CNGB1: variants seen among roughly 807,000 people sequenced by gnomAD.
The protein encoded by CNGB1 is cyclic nucleotide gated channel subunit beta 1.
CNGB1 carries 126 observed loss-of-function variants against 151.7 expected under a neutral mutation model. That is an observed-to-expected ratio of 0.83 (90% CI 0.72 to 0.96). The LOEUF is 0.96. Ranked by LOEUF, CNGB1 falls within the 40% of genes least tolerant of loss-of-function variation. CNGB1 has a pLI of 0.00. For missense variants in CNGB1, 1,698 were observed against 1,627.0 expected, an observed-to-expected ratio of 1.04 and a Z score of -0.75; for synonymous variants, 623 against 635.1, an observed-to-expected ratio of 0.98 and a Z score of 0.29.
chr16:57,901,435 C>A lies in CNGB1; in HGVS notation c.2893G>T (p.Gly965Cys), dbSNP rs559591083. 9 of 1,614,200 alleles carry A rather than the reference C, an allele frequency of 5.6e-6. No homozygotes were observed. In the East Asian group the frequency reaches 2.0e-4, roughly 36 times the overall value. The change falls in exon 29 of 33, where the codon GGC becomes TGC. Residue 965 changes from glycine (G) to cysteine (C), a missense_variant and splice_region_variant. Gly to Cys is a radical substitution (Grantham distance 159). Transcript: ENST00000251102. ...NIVSKVALFQGCDRQMIFDML... is the reference protein window; with the variant it reads ...NIVSKVALFQCCDRQMIFDML... ...TCAAAGATCATCTGCCGGTCACAGC[C>A]CTGTCCCGGTGAGGAAGGGAAAGGA...
chr16:57,920,404 T>C lies in CNGB1; in HGVS notation c.1784A>G (p.Glu595Gly). 1 of 1,614,180 alleles carries C rather than the reference T, an allele frequency of 6.2e-7. No individual in the cohort carries two copies. Among genetic ancestry groups the C allele is most frequent in the Non-Finnish European group, 8.5e-7 (1 of 1,180,026 alleles). The stretch of plus-strand genomic sequence containing the variant: ...AGACTCACAGGGCTTGGGGCTCTCC[T>C]CATCAGAGGTGACGTCAGGGTCAAT... ...KLIDPDVTSD[E>G]ESPKPSPAKK... Residue 595 changes from glutamate (E) to glycine (G), a missense_variant, in exon 19 of 33, where the codon GAG (glutamate) becomes GGG (glycine). By Grantham distance (98) the Glu-to-Gly change is moderately conservative (BLOSUM62 -2). Transcript: ENST00000251102.
intron 12 of CNGB1, chr16:57,955,420 A>C: frequency 4.9e-6 from 7 of 1,434,648 alleles, no homozygotes; most frequent in Non-Finnish European, 6.7e-6. Flanking sequence ...GGCGGAGGGA[A>C]TGAGTGAGTG....
chr16:57,933,724 C>CTTTTT (rs5817126), intron 16 of CNGB1, among the ~76,000 whole-genome samples: 22 of 119,584 alleles, frequency 1.8e-4, no homozygotes, highest in African/African-American at 2.9e-4. Context: ...CTTTTCTTTT[C>CTTTTT]TTTTTTTTTT....
At chr16:57,948,147 A>G (rs908611764) in intron 14 of CNGB1, among the ~76,000 whole-genome samples, 1 of 152,140 alleles carries the variant, frequency 6.6e-6, no homozygotes, top group Admixed American at 6.5e-5. Flanking sequence ...CTGGCCCACC[A>G]TAACAGTCTC....
At chr16:57,965,148 A>G (rs1220705569) in intron 2 of CNGB1, among the ~76,000 whole-genome samples, 1 of 152,268 alleles carries the variant, frequency 6.6e-6, no homozygotes, top group Non-Finnish European at 1.5e-5. Context: ...ACATACATAC[A>G]TGAACAGACA....
chr16:57,939,450 G>A lies in CNGB1; in HGVS notation c.1352C>T (p.Ala451Val). Residue 451 changes from alanine (A) to valine (V), a missense_variant, in exon 16 of 33, where the codon GCC (alanine) becomes GTC (valine). Ala to Val is a moderately conservative substitution (Grantham distance 64, BLOSUM62 0). Coordinates refer to ENST00000251102, the MANE Select transcript of CNGB1 (RefSeq NM_001297.5). ...AETKEEPEAE[A>V]EAASSGVPAT... ...CCTACCTCCTGAACTGGCAGCCTCG[G>A]CCTCAGCCTCAGGCTCCTCCTTGGT... is the stretch of plus-strand genomic sequence containing the variant. 6.2e-7 allele frequency: 1 copy of A among 1,614,126 alleles called. No homozygotes were observed. The highest frequency in any genetic ancestry group is 8.5e-7 in the Non-Finnish European group (1 of 1,180,026).
rs1960769628 is a variant in CNGB1, at chr16:57,912,920, G to A, written c.2369+10C>T. 6.2e-7 allele frequency: 1 copy of A among 1,613,710 alleles called. No homozygotes were observed. Among genetic ancestry groups the A allele is most frequent in the Non-Finnish European group, 8.5e-7 (1 of 1,179,692 alleles). On this transcript the variant is annotated intron_variant, in intron 24 of 32. Transcript: ENST00000251102. ...TGTGTGCATGCATGCACATGCAGGG[G>A]GAGTCTCACCTGTACACGTAGGCTT...
intron 16 of CNGB1, among the ~76,000 whole-genome samples, chr16:57,932,527 C>T (rs1213164277): frequency 6.6e-6 from 1 of 151,784 alleles, no homozygotes; most frequent in Non-Finnish European, 1.5e-5. Flanking sequence ...CTCAGCCTCC[C>T]GAGTAGCTGG....
intron 14 of CNGB1, among the ~76,000 whole-genome samples, chr16:57,940,541 T>C (rs1961643078): frequency 6.6e-6 from 1 of 152,010 alleles, no homozygotes; most frequent in East Asian, 1.9e-4. Flanking sequence ...ATGCCACAAC[T>C]CTGCTAGGAA....
At chr16:57,904,526 T>C (rs1289875847) in intron 26 of CNGB1, among the ~76,000 whole-genome samples, 2 of 152,284 alleles carry the variant, frequency 1.3e-5, no homozygotes, top group East Asian at 3.9e-4. Flanking sequence ...TTTCAAATGA[T>C]AATGACCTCA....
Position 57,888,043 on chromosome 16 carries a change from C to T in CNGB1, c.3274G>A (p.Glu1092Lys). The T allele has an allele frequency of 6.2e-7, 1 of 1,614,130 alleles. No homozygotes were observed. Among genetic ancestry groups the T allele is most frequent in the Non-Finnish European group, 8.5e-7 (1 of 1,180,018 alleles). ...RMLRSNNKPK[E>K]EKSVLILPPR... ...GGAAGGATCAGCACGCTCTTCTCCT[C>T]CTTGGGCTTATTGTTGCTTCTCAGC... Residue 1092 changes from glutamate to lysine, a missense_variant, in exon 32 of 33, where the codon GAG becomes AAG. Transcript: ENST00000251102.
intron 31 of CNGB1, among the ~76,000 whole-genome samples, chr16:57,895,187 G>C (rs1427283906): frequency 1.3e-5 from 2 of 152,164 alleles, no homozygotes; most frequent in Non-Finnish European, 2.9e-5. Flanking sequence ...GCTCACACCT[G>C]TAATCCCAGC....
chr16:57,897,431 GATA>G lies in CNGB1; in HGVS notation c.3205_3207del (p.Tyr1069del), dbSNP rs1960261875. Reference sequence around the variant, plus strand: ...TTCCGGAGTAACTTCTGAGACTCAGGATAATGCACCAAAATCTCATTCAGGTCC... The same window carrying G: ...TTCCGGAGTAACTTCTGAGACTCAGGATGCACCAAAATCTCATTCAGGTCC... On this transcript the variant is annotated inframe_deletion, in exon 31 of 33. Coordinates refer to ENST00000251102, the MANE Select transcript of CNGB1 (RefSeq NM_001297.5). 1 of 1,614,070 alleles carries G rather than the reference GATA, an allele frequency of 6.2e-7. No individual in the cohort carries two copies. The highest frequency in any genetic ancestry group is 1.1e-5 in the South Asian group (1 of 91,094).
At chr16:57,897,144 T>A (rs1258086900) in intron 31 of CNGB1, among the ~76,000 whole-genome samples, 5 of 151,302 alleles carry the variant, frequency 3.3e-5, no homozygotes, top group South Asian at 2.1e-4. Context: ...TAGAAAAAAA[T>A]TTTAAAAATT....
At chr16:57,962,753 C>G (rs764832408) in intron 6 of CNGB1, 89 bp downstream of exon 6, 43 of 1,585,696 alleles carry the variant, frequency 2.7e-5, no homozygotes, top group Admixed American at 3.4e-5. Context: ...CCAGCCTGGG[C>G]AGAGGCTCCC....
chr16:57,913,006 G>A lies in CNGB1; in HGVS notation c.2305-12C>T. The A allele has an allele frequency of 6.2e-7, 1 of 1,613,776 alleles. No individual in the cohort carries two copies. The highest frequency in any genetic ancestry group is 8.5e-7 in the Non-Finnish European group (1 of 1,179,766). ...AAGAAGGCCATGTACTGGAGGGAGA[G>A]GAGGGCGTGAGAGCAGCCCACCGGC... On this transcript the variant is annotated splice_polypyrimidine_tract_variant and intron_variant, in intron 23 of 32. Transcript: ENST00000251102.
chr16:57,926,998 A>G (rs1453939488), intron 17 of CNGB1, among the ~76,000 whole-genome samples: 3 of 152,172 alleles, frequency 2.0e-5, no homozygotes, highest in Non-Finnish European at 4.4e-5. Flanking sequence ...AAAACAAAAC[A>G]AAATAAAACA....
chr16:57,935,822 A>C (rs1206524294), intron 16 of CNGB1, among the ~76,000 whole-genome samples: 1 of 151,588 alleles, frequency 6.6e-6, no homozygotes, highest in Non-Finnish European at 1.5e-5. Flanking sequence ...TAGTAGATTC[A>C]AGGCTTGCCT....
chr16:57,890,725 G>A (rs1960065463), intron 31 of CNGB1, among the ~76,000 whole-genome samples: 1 of 152,218 alleles, frequency 6.6e-6, no homozygotes. Flanking sequence ...TGCAAAGCAG[G>A]GAGCTTGGAC....
Sources: gnomAD v4.1 joint callset for allele counts (sites outside exome capture counted in the v4.1 genomes callset) on GRCh38, gnomAD v4.1.1 for gene constraint, MANE v1.5 for transcripts, NCBI Gene and HGNC (gene_info 2026-07-23, HGNC 2026-07-21) for gene names.